Variants in BRINP3 observed in about 807,000 individuals in gnomAD.
BRINP3 encodes the protein BMP/retinoic acid-inducible neural-specific protein 3.
BRINP3 carries 19 observed loss-of-function variants against 71.0 expected under a neutral mutation model. The observed-to-expected ratio is 0.27, with a 90% confidence interval of 0.19 to 0.39. The LOEUF (loss-of-function observed/expected upper bound fraction) is 0.39, where lower values mean the gene tolerates loss of function less well. Ranked by LOEUF, BRINP3 falls within the 10% of genes least tolerant of loss-of-function variation. BRINP3 has a pLI of 1.00. For missense variants in BRINP3, 959 were observed against 940.8 expected (o/e 1.02, Z -0.25); for synonymous variants, 380 against 337.7 (o/e 1.13, Z -1.37).
intron 6 of BRINP3, among the ~76,000 whole-genome samples, chr1:190,199,771 G>GAAAAAAAAAAAAAAAAAAAAAAAA (rs35752025): frequency 8.1e-6 from 1 of 123,538 alleles, no homozygotes; most frequent in African/African-American, 3.0e-5. Context: ...CAAGGCATAG[G>GAAAAAAAAAAAAAAAAAAAAAAAA]AAAAAAAAAA....
intron 2 of BRINP3, among the ~76,000 whole-genome samples, chr1:190,296,806 A>G (rs1290124556): frequency 6.6e-6 from 1 of 152,188 alleles, no homozygotes; most frequent in East Asian, 1.9e-4. Flanking sequence ...CATTTGCGAT[A>G]GCATAAAAAA....
intron 7 of BRINP3, among the ~76,000 whole-genome samples, chr1:190,135,141 C>T (rs1391563920): frequency 6.6e-6 from 1 of 152,052 alleles, no homozygotes; most frequent in Non-Finnish European, 1.5e-5. Context: ...CTTCACAAAG[C>T]ATTACTGCAT....
chr1:190,208,742 G>A (rs997357630), intron 6 of BRINP3, among the ~76,000 whole-genome samples: 5 of 151,878 alleles, frequency 3.3e-5, no homozygotes, highest in Non-Finnish European at 1.5e-5. Flanking sequence ...TGATCTGACC[G>A]CCTTGGCCTC....
chr1:190,134,675 T>C (rs1414851538), intron 7 of BRINP3, among the ~76,000 whole-genome samples: 1 of 152,106 alleles, frequency 6.6e-6, no homozygotes, highest in African/African-American at 2.4e-5. Context: ...GGGACTTCAG[T>C]TTTATTCCAG....
chr1:190,196,485 G>C (rs1339535204), intron 6 of BRINP3, among the ~76,000 whole-genome samples: 1 of 151,996 alleles, frequency 6.6e-6, no homozygotes, highest in Non-Finnish European at 1.5e-5. Context: ...GCATTCCAAA[G>C]TAAACAGTTA....
chr1:190,361,488 C>T (rs1335029493), intron 2 of BRINP3, among the ~76,000 whole-genome samples: 10 of 151,984 alleles, frequency 6.6e-5, no homozygotes, highest in Non-Finnish European at 1.2e-4. Flanking sequence ...CTGCAACCCC[C>T]GCCTCCAGGG....
intron 2 of BRINP3, among the ~76,000 whole-genome samples, chr1:190,363,058 C>T (rs569995417): frequency 3.0e-4 from 46 of 152,148 alleles, no homozygotes; most frequent in African/African-American, 1.1e-3. Flanking sequence ...GTGAACCCAA[C>T]CTAACCAGGG....
rs1490676044 is a variant in BRINP3, at chr1:190,160,689, A to T, written c.1163T>A (p.Leu388His). Residue 388 changes from leucine to histidine, a missense_variant, in exon 7 of 8, where the codon CTC becomes CAC. Leu to His is a moderately conservative substitution (Grantham distance 99). Transcript: ENST00000367462. ...TTACCTTTGTCTTGGCAGGCTGATG[A>T]GGGGTTGTTTATGACACCTCTTGCT... ...SLSKRCHKQP[L>H]ISLPRQRTST... 2 of 1,613,098 alleles carry T rather than the reference A, an allele frequency of 1.2e-6. No homozygotes were observed. Among genetic ancestry groups the T allele is most frequent in the African/African-American group, 1.3e-5 (1 of 74,968 alleles).
Position 190,211,561 on chromosome 1 carries a change from T to C in BRINP3, c.961+14521A>G, listed in dbSNP as rs1416800057. The stretch of plus-strand genomic sequence containing the variant: ...AATATGATAGGTAATGTATCTTCTA[T>C]ATATAGCACATTGCAATAGCTTTTA... On this transcript the variant is annotated intron_variant, in intron 6 of 7. Coordinates refer to ENST00000367462, the MANE Select transcript of BRINP3 (RefSeq NM_199051.3). 3.3e-5 allele frequency among the ~76,000 whole-genome samples: 5 copies of C among 152,264 alleles called. No individual in the cohort carries two copies. In the East Asian group the frequency reaches 9.7e-4, roughly 29 times the overall value.
At chr1:190,099,378 C>G (rs774898153) in intron 7 of BRINP3, among the ~76,000 whole-genome samples, 1 of 151,818 alleles carries the variant, frequency 6.6e-6, no homozygotes, top group Non-Finnish European at 1.5e-5. Flanking sequence ...AAGATTAGAG[C>G]TATACTTGGT....
At chr1:190,270,525 A>C (rs1662014817) in intron 3 of BRINP3, among the ~76,000 whole-genome samples, 1 of 151,724 alleles carries the variant, frequency 6.6e-6, no homozygotes, top group Non-Finnish European at 1.5e-5. Context: ...AGAATCAATA[A>C]ACTTTATACC....
At chr1:190,124,416 G>T (rs765080609) in intron 7 of BRINP3, among the ~76,000 whole-genome samples, 7 of 152,178 alleles carry the variant, frequency 4.6e-5, no homozygotes, top group Non-Finnish European at 7.4e-5. Flanking sequence ...GCACAAAACA[G>T]ACTAAGACAA....
At chr1:190,275,650 T>A (rs778919772) in intron 3 of BRINP3, among the ~76,000 whole-genome samples, 10 of 151,616 alleles carry the variant, frequency 6.6e-5, no homozygotes, top group Non-Finnish European at 1.5e-4. Context: ...GTCAAAAAAG[T>A]AGACAAGTAA....
At chr1:190,203,228 A>G (rs1480820068) in intron 6 of BRINP3, among the ~76,000 whole-genome samples, 1 of 152,078 alleles carries the variant, frequency 6.6e-6, no homozygotes, top group Non-Finnish European at 1.5e-5. Context: ...TCCATATTAT[A>G]TGACAACATA....
intron 7 of BRINP3, among the ~76,000 whole-genome samples, chr1:190,131,185 G>T (rs1654511123): frequency 8.1e-6 from 1 of 123,048 alleles, no homozygotes; most frequent in Non-Finnish European, 1.7e-5. Context: ...TGTGGCGGGG[G>T]GTGGGGGGTG....
rs147919736 is a variant in BRINP3, at chr1:190,317,539, A to G, written c.237-35789T>C. 8.8e-3 allele frequency among the ~76,000 whole-genome samples: 1,340 copies of G among 152,054 alleles called. 15 individuals carry two copies. Among genetic ancestry groups the G allele is most frequent in the African/African-American group, 0.03 (1,229 of 41,490 alleles). ...TGTTGCACATTATGCTTGAGACCCAATTCCCTGTCTCATATTCATCATTCC... is the reference window on the plus strand; with the variant it reads ...TGTTGCACATTATGCTTGAGACCCAGTTCCCTGTCTCATATTCATCATTCC... On this transcript the variant is annotated intron_variant, in intron 2 of 7. Coordinates refer to ENST00000367462, the MANE Select transcript of BRINP3 (RefSeq NM_199051.3).
intron 4 of BRINP3, among the ~76,000 whole-genome samples, chr1:190,262,853 C>G (rs534766906): frequency 1.1e-3 from 170 of 152,036 alleles, no homozygotes; most frequent in African/African-American, 3.1e-3. Context: ...AAATACAATG[C>G]CTGTATATAA....
chr1:190,225,043 G>A (rs999826974), intron 6 of BRINP3, among the ~76,000 whole-genome samples: 1 of 151,940 alleles, frequency 6.6e-6, no homozygotes, highest in Non-Finnish European at 1.5e-5. Flanking sequence ...ATATAGATTA[G>A]TAGAGCCACT....
intron 6 of BRINP3, among the ~76,000 whole-genome samples, chr1:190,161,991 AT>A (rs1558022891): frequency 6.6e-6 from 1 of 152,122 alleles, no homozygotes; most frequent in Non-Finnish European, 1.5e-5. Flanking sequence ...CATTGGGTTT[AT>A]TTTTCCTAGA....
Sources: allele counts gnomAD v4.1 joint callset (sites outside exome capture counted in the v4.1 genomes callset), GRCh38; gene constraint gnomAD v4.1.1; transcripts MANE v1.5; gene names NCBI Gene and HGNC (gene_info 2026-07-23, HGNC 2026-07-21).